Variants in ANK3 observed in about 807,000 individuals in gnomAD.
The protein encoded by ANK3 is ankyrin 3.
A neutral mutation model predicts 370.9 loss-of-function variants in ANK3; 57 were observed. The ratio of observed to expected loss-of-function variants is 0.15; its 90% confidence interval spans 0.12 to 0.19. The LOEUF (loss-of-function observed/expected upper bound fraction) is 0.19. Ranked by LOEUF, ANK3 falls within the 10% of genes least tolerant of loss-of-function variation. ANK3 has a pLI of 1.00. For synonymous variants in ANK3, 1,929 were observed against 1,946.3 expected (o/e 0.99, Z 0.23); for missense variants, 4,439 against 5,302.1 (o/e 0.84, Z 5.06).
At chr10:60,724,455 T>A (rs1423738218) in intron 1 of ANK3, among the ~76,000 whole-genome samples, 2 of 152,102 alleles carry the variant, frequency 1.3e-5, no homozygotes, top group Non-Finnish European at 2.9e-5. Flanking sequence ...ATCGATATCC[T>A]TTAAGGATAG....
intron 2 of ANK3, among the ~76,000 whole-genome samples, chr10:60,479,899 C>G (rs79999793): frequency 0.024 from 3,616 of 152,264 alleles, 150 homozygotes; most frequent in African/African-American, 0.083. Flanking sequence ...ACCTCTTTCT[C>G]CTTATAGATT....
In ANK3 at chr10:60,080,550, A is replaced by G; in HGVS notation, c.4419T>C (p.Thr1473=). 6.2e-7 allele frequency: 1 copy of G among 1,612,638 alleles called. No individual in the cohort carries two copies. The highest frequency in any genetic ancestry group is 1.1e-5 in the South Asian group (1 of 90,818). Reference sequence around the variant, plus strand: ...TAGGAAACTCACTCATTCCAGGCTCAGTCAAGTAGCTGTAGCGCTTACGTA... The same window carrying G: ...TAGGAAACTCACTCATTCCAGGCTCGGTCAAGTAGCTGTAGCGCTTACGTA... ...LALRKRYSYL[T]EPGMIERSTG... is the part of the protein sequence containing the mutation. The change falls in exon 36 of 44, where the codon ACT becomes ACC. Residue 1473 remains threonine, a synonymous_variant. Coordinates refer to ENST00000280772, the MANE Select transcript of ANK3 (RefSeq NM_020987.5).
intron 1 of ANK3, among the ~76,000 whole-genome samples, chr10:60,712,922 T>C (rs2079730245): frequency 6.6e-6 from 1 of 152,164 alleles, no homozygotes; most frequent in Non-Finnish European, 1.5e-5. Context: ...ACTATTAATA[T>C]GTATAGGTCT....
chr10:60,149,771 C>A (rs959450094), intron 23 of ANK3, among the ~76,000 whole-genome samples: 1 of 152,126 alleles, frequency 6.6e-6, no homozygotes, highest in Non-Finnish European at 1.5e-5. Context: ...TGCAGTGGTA[C>A]GATCTCGGCT....
At chr10:60,107,605 A>ATT (rs1441592167) in intron 27 of ANK3, among the ~76,000 whole-genome samples, 3 of 152,254 alleles carry the variant, frequency 2.0e-5, no homozygotes, top group Non-Finnish European at 4.4e-5. Context: ...CTTTAAAAGA[A>ATT]TACTCTATCT....
intron 1 of ANK3, among the ~76,000 whole-genome samples, chr10:60,357,796 G>A (rs571669196): frequency 2.0e-5 from 3 of 152,104 alleles, no homozygotes; most frequent in East Asian, 1.9e-4. Context: ...AAATGGATAC[G>A]ATGTGATGAG....
At chr10:60,424,383 G>C (rs978006837) in intron 2 of ANK3, among the ~76,000 whole-genome samples, 7 of 151,950 alleles carry the variant, frequency 4.6e-5, no homozygotes, top group Admixed American at 1.3e-4. Context: ...TTTCATATTT[G>C]TCAGTTGAAC....
intron 2 of ANK3, among the ~76,000 whole-genome samples, chr10:60,549,386 A>T (rs2077041424): frequency 6.6e-6 from 1 of 152,212 alleles, no homozygotes; most frequent in Admixed American, 6.5e-5. Context: ...AACTTACTGC[A>T]GTTTAATATT....
intron 1 of ANK3, among the ~76,000 whole-genome samples, chr10:60,697,856 T>C (rs1190122437): frequency 2.0e-5 from 3 of 151,746 alleles, no homozygotes; most frequent in Non-Finnish European, 4.4e-5. Flanking sequence ...AAGGACTTCA[T>C]GTCTAAAACA....
Position 60,502,802 on chromosome 10 carries a change from AAGAAAAAAGAG to A in ANK3, c.96+112373_96+112383del, listed in dbSNP as rs773948039. ...AAAGAAAGAAAGAAAAAAGAAAAGAAAGAAAAAAGAGAAGAAAAGAAAAGAAAGAAGGAGTA... is the reference window on the plus strand; with the variant it reads ...AAAGAAAGAAAGAAAAAAGAAAAGAAAAGAAAAGAAAAGAAAGAAGGAGTA... On this transcript the variant is annotated intron_variant, in intron 2 of 43. Transcript: ENST00000373827. Among the ~76,000 whole-genome samples, 197 of 134,430 alleles carry A rather than the reference AAGAAAAAAGAG, an allele frequency of 1.5e-3. 1 individual carries two copies. The highest frequency in any genetic ancestry group is 2.1e-3 in the Non-Finnish European group (136 of 63,320). The allele number at this position is 134,430 out of a possible 152,430, so 88.2% of individuals were successfully genotyped here.
Position 60,064,142 on chromosome 10 carries a change from A to G in ANK3, c.12451+15T>C. ...ATGCAGTTTTGAAAGTTAAAATAAT[A>G]TAATTTCGGCATACTTGTGGCATTT... On this transcript the variant is annotated intron_variant, in intron 39 of 43. Coordinates refer to ENST00000280772, the MANE Select transcript of ANK3 (RefSeq NM_020987.5). 3 of 1,546,974 alleles carry G rather than the reference A, an allele frequency of 1.9e-6. No homozygotes were observed. The highest frequency in any genetic ancestry group is 2.6e-6 in the Non-Finnish European group (3 of 1,156,948).
At chr10:60,541,416 A>T (rs932871766) in intron 2 of ANK3, among the ~76,000 whole-genome samples, 2 of 152,054 alleles carry the variant, frequency 1.3e-5, no homozygotes, top group African/African-American at 4.8e-5. Context: ...GTTTAAAAAT[A>T]TAAAAATGGC....
At chr10:60,333,843 T>C (rs117907293) in intron 1 of ANK3, among the ~76,000 whole-genome samples, 13,228 of 152,160 alleles carry the variant, frequency 0.087, 731 homozygotes, top group South Asian at 0.14. Context: ...GCCATTCTCA[T>C]AGTGTTTTTA....
intron 2 of ANK3, among the ~76,000 whole-genome samples, chr10:60,399,696 C>T (rs1216934042): frequency 6.6e-6 from 1 of 152,152 alleles, no homozygotes; most frequent in Admixed American, 6.6e-5. Context: ...AAAGCTTGCA[C>T]TAAACTCCGT....
intron 1 of ANK3, among the ~76,000 whole-genome samples, chr10:60,711,538 AAG>A (rs1437287898): frequency 6.6e-6 from 1 of 152,024 alleles, no homozygotes. Context: ...AAAGAGAAAA[AAG>A]AATATTTTTT....
At chr10:60,160,346 T>C (rs1565385001) in intron 23 of ANK3, among the ~76,000 whole-genome samples, 1 of 151,930 alleles carries the variant, frequency 6.6e-6, no homozygotes, top group South Asian at 2.1e-4. Flanking sequence ...CCTACAAAGA[T>C]TGAATCATGA....
chr10:60,255,999 G>A (rs548220499), intron 7 of ANK3, among the ~76,000 whole-genome samples: 21 of 152,254 alleles, frequency 1.4e-4, no homozygotes, highest in Admixed American at 6.5e-4. Context: ...AGTGGTCTCC[G>A]GGGGCTCAGA....
chr10:60,157,882 GAAAA>G (rs558976450), intron 23 of ANK3, among the ~76,000 whole-genome samples: 1 of 93,880 alleles, frequency 1.1e-5, no homozygotes, highest in Non-Finnish European at 2.1e-5. Context: ...GAGAGAGAGA[GAAAA>G]AGAGAGAGAG....
At chr10:60,396,420 T>G (rs1278481409) in intron 2 of ANK3, among the ~76,000 whole-genome samples, 1 of 152,192 alleles carries the variant, frequency 6.6e-6, no homozygotes, top group East Asian at 1.9e-4. Context: ...ACTGACTGGT[T>G]TCTCAAGTAA....
Sources: gnomAD v4.1 joint callset for allele counts (sites outside exome capture counted in the v4.1 genomes callset) on GRCh38, gnomAD v4.1.1 for gene constraint, MANE v1.5 for transcripts, NCBI Gene and HGNC (gene_info 2026-07-23, HGNC 2026-07-21) for gene names.